The following SP3 variants were observed in gnomAD, a reference collection of about 807,000 sequenced individuals.
SP3 encodes the protein Sp3 transcription factor.
A neutral mutation model predicts 70.3 loss-of-function variants in SP3; 10 were observed. The ratio of observed to expected loss-of-function variants is 0.14; its 90% CI spans 0.09 to 0.24. The LOEUF is 0.24. SP3 is among the 10% of genes least tolerant of loss of function. The probability of loss-of-function intolerance (pLI) is 1.00; values close to 1 mark genes in which losing one functional copy is unlikely to be tolerated. For missense variants in SP3, 825 were observed against 914.6 expected, an observed-to-expected ratio of 0.90 and a Z score of 1.26; for synonymous variants, 402 against 333.5, an observed-to-expected ratio of 1.21 and a Z score of -2.24.
At chr2:173,934,687 A>AC (rs561255313) in intron 4 of SP3, among the ~76,000 whole-genome samples, 87 of 152,036 alleles carry the variant, frequency 5.7e-4, no homozygotes, top group Middle Eastern at 3.4e-3. Context: ...ACACAGCAAG[A>AC]CCCCATCACT....
intron 3 of SP3, chr2:173,963,292 AC>A (rs1176584130): frequency 6.6e-6 from 1 of 152,162 alleles, no homozygotes; most frequent in Admixed American, 6.5e-5. Flanking sequence ...CAAAGAATAA[AC>A]CCTCATTTTT....
intron 4 of SP3, among the ~76,000 whole-genome samples, chr2:173,952,726 G>C (rs1690748925): frequency 6.6e-6 from 1 of 152,168 alleles, no homozygotes; most frequent in Non-Finnish European, 1.5e-5. Context: ...CATATATAAA[G>C]AAATGAGGTA....
chr2:173,956,480 A>C (rs1690896218), intron 3 of SP3, among the ~76,000 whole-genome samples: 1 of 152,226 alleles, frequency 6.6e-6, no homozygotes, highest in African/African-American at 2.4e-5. Context: ...TCACAACCAC[A>C]GACCAATTTT....
chr2:173,959,211 T>C (rs1205071361), intron 3 of SP3, among the ~76,000 whole-genome samples: 1 of 152,134 alleles, frequency 6.6e-6, no homozygotes, highest in Non-Finnish European at 1.5e-5. Context: ...GCTCCAAATA[T>C]TTCAAAACTA....
At chr2:173,943,147 T>C (rs765575279) in intron 4 of SP3, among the ~76,000 whole-genome samples, 51 of 152,314 alleles carry the variant, frequency 3.3e-4, no homozygotes, top group Non-Finnish European at 6.2e-4. Flanking sequence ...CCTGCTGGCG[T>C]GATCTTTTAA....
chr2:173,913,987 A>T (rs1689560016), intron 5 of SP3: 1 of 152,206 alleles, frequency 6.6e-6, no homozygotes, highest in African/African-American at 2.4e-5. Context: ...TCTCCACATC[A>T]CAAAATTGGA....
intron 6 of SP3, among the ~76,000 whole-genome samples, chr2:173,911,362 C>A (rs1303387945): frequency 7.2e-5 from 11 of 152,128 alleles, no homozygotes; most frequent in Non-Finnish European, 1.6e-4. Flanking sequence ...TCCTCATTCA[C>A]CGCTACAAAA....
At chr2:173,963,658 G>A (rs1359123940) in intron 3 of SP3, 103 bp downstream of exon 3, 3 of 268,300 alleles carry the variant, frequency 1.1e-5, no homozygotes, top group Non-Finnish European at 1.7e-5. Context: ...CGTGCGGGTC[G>A]GGGGAAGCGC....
intron 3 of SP3, among the ~76,000 whole-genome samples, chr2:173,959,277 A>G (rs973345048): frequency 1.3e-5 from 2 of 152,112 alleles, no homozygotes; most frequent in Non-Finnish European, 2.9e-5. Flanking sequence ...CATCAGCAAT[A>G]TACCACTAAA....
At chr2:173,922,426 T>C (rs2105463505) in intron 4 of SP3, among the ~76,000 whole-genome samples, 3 of 152,016 alleles carry the variant, frequency 2.0e-5, no homozygotes, top group Admixed American at 2.0e-4. Context: ...AAGTTCTGAA[T>C]GCCTATTGAA....
Position 173,949,005 on chromosome 2 carries a change from A to G in SP3, c.1639+5868T>C, listed in dbSNP as rs181824247. On this transcript the variant is annotated intron_variant, in intron 4 of 6. Transcript: ENST00000310015. ...GACAACTTTAAAGTCTACAGAAAGC[A>G]ACAGTGTAAAAGTCTTACACAACAA... 5.2e-3 allele frequency among the ~76,000 whole-genome samples: 795 copies of G among 152,304 alleles called. 4 individuals are homozygous for G. The highest frequency in any genetic ancestry group is 6.1e-3 in the Non-Finnish European group (418 of 68,000).
chr2:173,927,426 G>A (rs12468097), intron 4 of SP3, among the ~76,000 whole-genome samples: 6,236 of 151,808 alleles, frequency 0.041, 199 homozygotes, highest in Admixed American at 0.1. Flanking sequence ...ACAAGTGTCC[G>A]CCACCACGCC....
chr2:173,959,041 TCA>T (rs1252666211), intron 3 of SP3, among the ~76,000 whole-genome samples: 1 of 152,156 alleles, frequency 6.6e-6, no homozygotes, highest in Non-Finnish European at 1.5e-5. Flanking sequence ...CTCAGTAAGA[TCA>T]ATATATATTT....
rs947502856 is a variant in SP3, at chr2:173,904,649, C to A, written c.*5292G>T. 2.0e-5 allele frequency among the ~76,000 whole-genome samples: 3 copies of A among 152,206 alleles called. No homozygotes were observed. Among genetic ancestry groups the A allele is most frequent in the African/African-American group, 7.2e-5 (3 of 41,448 alleles). On this transcript the variant is annotated 3_prime_UTR_variant, in exon 7 of 7. Coordinates refer to ENST00000310015, the MANE Select transcript of SP3 (RefSeq NM_003111.5). ...GACATCAGTTTTCCAATTCCAAATTCTCAGGAGAAATCATCTAATTGGCTC... is the reference window on the plus strand; with the variant it reads ...GACATCAGTTTTCCAATTCCAAATTATCAGGAGAAATCATCTAATTGGCTC...
At chr2:173,917,703 C>T (rs890362169) in intron 5 of SP3, among the ~76,000 whole-genome samples, 1 of 151,882 alleles carries the variant, frequency 6.6e-6, no homozygotes, top group Admixed American at 6.6e-5. Flanking sequence ...TTAAGTATGG[C>T]TTTAGAGTTC....
chr2:173,927,748 T>A (rs1228421213), intron 4 of SP3, among the ~76,000 whole-genome samples: 1 of 152,236 alleles, frequency 6.6e-6, no homozygotes, highest in Non-Finnish European at 1.5e-5. Flanking sequence ...TATTTGTGTA[T>A]CGCTTTAAAA....
intron 4 of SP3, among the ~76,000 whole-genome samples, chr2:173,947,852 T>C (rs554148428): frequency 6.6e-6 from 1 of 152,316 alleles, no homozygotes; most frequent in Admixed American, 6.5e-5. Context: ...AAAACTCATA[T>C]ATAACTCTTG....
chr2:173,945,441 C>CA (rs928170027), intron 4 of SP3, among the ~76,000 whole-genome samples: 1 of 151,790 alleles, frequency 6.6e-6, no homozygotes, highest in East Asian at 1.9e-4. Context: ...AACCTGAAGG[C>CA]AAAAAAATGA....
chr2:173,954,050 T>C (rs1574423254), intron 4 of SP3, among the ~76,000 whole-genome samples: 2 of 152,314 alleles, frequency 1.3e-5, no homozygotes, highest in East Asian at 3.9e-4. Context: ...ACTGACCTGG[T>C]GAAAGAATGT....
Sources: allele counts gnomAD v4.1 joint callset (sites outside exome capture counted in the v4.1 genomes callset), GRCh38; gene constraint gnomAD v4.1.1; transcripts MANE v1.5; gene names NCBI Gene and HGNC (gene_info 2026-07-23, HGNC 2026-07-21).